The following TEX2 variants were observed in gnomAD, a reference collection of about 807,000 sequenced individuals.
The protein encoded by TEX2 is testis expressed 2.
Under a neutral mutation model 106.9 loss-of-function variants are expected in TEX2, and 53 were observed. The observed-to-expected ratio is 0.50, with a 90% confidence interval of 0.40 to 0.62. The LOEUF is 0.62. Among genes scored for constraint, TEX2 ranks in the 20% least tolerant of loss-of-function variants. The probability of loss-of-function intolerance (pLI) is 0.00; values close to 1 mark genes in which losing one functional copy is unlikely to be tolerated. For synonymous variants in TEX2, 523 were observed against 534.8 expected (o/e 0.98, Z 0.30); for missense variants, 1,207 against 1,379.0 (o/e 0.88, Z 1.98).
At chr17:64,162,663 TGTG>T (rs2030940639) in intron 7 of TEX2, among the ~76,000 whole-genome samples, 1 of 152,122 alleles carries the variant, frequency 6.6e-6, no homozygotes, top group Non-Finnish European at 1.5e-5. Context: ...CCAAATGATG[TGTG>T]GTCCAGCGTC....
chr17:64,210,634 CTTTTTTTTTTTTTT>C (rs58313195), intron 2 of TEX2, among the ~76,000 whole-genome samples: 1 of 74,786 alleles, frequency 1.3e-5, no homozygotes, highest in African/African-American at 5.8e-5. Context: ...CAACCCCCAG[CTTTTTTTTTTTTTT>C]TTTTTTTTTT....
In TEX2 at chr17:64,213,237, TTC is replaced by T. The variant is rs1555631934; in HGVS notation, c.979_980del (p.Glu327ThrfsTer15). The stretch of plus-strand genomic sequence containing the variant: ...CATTCAAGCTGGACAGATTGGAGAG[TTC>T]TGAAGCACTTGAAGATAAGGCTTTG... ...RPKALSSSAS[E>X]LSNLSSLNGH... On this transcript the variant is annotated frameshift_variant, in exon 2 of 12. Coordinates refer to ENST00000584379, the MANE Select transcript of TEX2 (RefSeq NM_001288732.2). LOFTEE classifies it high-confidence loss of function. This position sits in a 1 kb window ranked among gnomAD's most constrained non-coding sequence, Gnocchi z 4.4. The T allele has an allele frequency of 6.2e-7, 1 of 1,614,120 alleles. No individual in the cohort carries two copies. The highest frequency in any genetic ancestry group is 8.5e-7 in the Non-Finnish European group (1 of 1,180,026).
At position 64,213,881 on chromosome 17, in the gene TEX2, T is replaced by A. The variant is rs781872151; in HGVS notation, c.337A>T (p.Thr113Ser). Residue 113 changes from threonine to serine, a missense_variant, in exon 2 of 12, where the codon ACT (threonine) becomes TCT (serine). By Grantham distance (58) the Thr-to-Ser change is moderately conservative. Transcript: ENST00000584379. The surrounding 1 kb of genome is among the most constrained non-coding windows in gnomAD (Gnocchi z 4.4). ...ACAGGGGACTCCAACAGCTTTACAG[T>A]GTTCTTGGAGACGGGCAAAATGGCA... ...APAILPVSKN[T>S]VKLLESPVPA... 7 of 1,614,130 alleles carry A rather than the reference T, an allele frequency of 4.3e-6. No individual in the cohort carries two copies. The highest frequency in any genetic ancestry group is 5.9e-6 in the Non-Finnish European group (7 of 1,180,014).
chr17:64,249,109 T>C (rs1174277602), intron 1 of TEX2, among the ~76,000 whole-genome samples: 1 of 151,940 alleles, frequency 6.6e-6, no homozygotes, highest in African/African-American at 2.4e-5. Flanking sequence ...TGTTTACTGC[T>C]GTAAGAACAG....
At position 64,213,438 on chromosome 17, in the gene TEX2, G is replaced by A. The variant is rs782506961; in HGVS notation, c.780C>T (p.Ser260=). 6.2e-7 allele frequency: 1 copy of A among 1,613,982 alleles called. No homozygotes were observed. The highest frequency in any genetic ancestry group is 8.5e-7 in the Non-Finnish European group (1 of 1,180,052). ...FTQPRNTGGD[S]KTAPSSPLTS... is the part of the protein sequence containing the mutation. Reference sequence around the variant, plus strand: ...TCAGTGGGGAAGAAGGTGCAGTTTTGGAATCTCCACCTGTGTTTCGGGGCT... The same window carrying A: ...TCAGTGGGGAAGAAGGTGCAGTTTTAGAATCTCCACCTGTGTTTCGGGGCT... Residue 260 remains serine (S), a synonymous_variant, in exon 2 of 12, where the codon TCC becomes TCT. Transcript: ENST00000584379. This position sits in a 1 kb window ranked among gnomAD's most constrained non-coding sequence, Gnocchi z 4.4.
intron 2 of TEX2, among the ~76,000 whole-genome samples, chr17:64,211,281 A>G (rs1555631520): frequency 1.3e-5 from 2 of 152,136 alleles, no homozygotes; most frequent in African/African-American, 4.8e-5. Context: ...ATTAAGTAGC[A>G]AGACACCTTG....
chr17:64,229,225 T>C (rs563088538), intron 1 of TEX2, among the ~76,000 whole-genome samples: 5 of 152,322 alleles, frequency 3.3e-5, no homozygotes, highest in South Asian at 2.1e-4. Context: ...CTAATTAACA[T>C]TGTATAAAAT....
At chr17:64,181,476 A>T (rs879333570) in intron 5 of TEX2, among the ~76,000 whole-genome samples, 82,264 of 116,798 alleles carry the variant, frequency 0.7, 29,097 homozygotes, top group East Asian at 0.82. Flanking sequence ...CTATCTCAAA[A>T]AAAAAAAAAA....
At chr17:64,172,357 A>AC in intron 6 of TEX2, among the ~76,000 whole-genome samples, 1 of 151,404 alleles carries the variant, frequency 6.6e-6, no homozygotes. Flanking sequence ...CGTCTCAAAA[A>AC]AAAAAAAAAG....
intron 5 of TEX2, among the ~76,000 whole-genome samples, chr17:64,186,552 C>T (rs1323131750): frequency 6.6e-6 from 1 of 152,146 alleles, no homozygotes; most frequent in Non-Finnish European, 1.5e-5. Context: ...GGCGGTGGCT[C>T]ACGCCTGTAA....
chr17:64,215,528 T>TG lies in TEX2; in HGVS notation c.-25-1287dup, dbSNP rs200067264. On this transcript the variant is annotated intron_variant, in intron 1 of 11. Coordinates refer to ENST00000584379, the MANE Select transcript of TEX2 (RefSeq NM_001288732.2). ...GGCCATTGAGACAAAAGGGGCATCG[T>TG]GGGGCAGTGGAAAGAGCACCCAGCT... 5.3e-3 allele frequency among the ~76,000 whole-genome samples: 803 copies of TG among 152,182 alleles called. 11 individuals are homozygous for TG. Among genetic ancestry groups the TG allele is most frequent in the African/African-American group, 0.018 (742 of 41,522 alleles).
Position 64,259,997 on chromosome 17 carries a change from G to A in TEX2, c.-26+3171C>T, listed in dbSNP as rs1277516285. ...TATTTTCCCACTTTACAAAGAAACT[G>A]AGGTACACAGAAAGAGAAGTAATTT... On this transcript the variant is annotated intron_variant, in intron 1 of 11. Coordinates refer to ENST00000584379, the MANE Select transcript of TEX2 (RefSeq NM_001288732.2). Among the ~76,000 whole-genome samples the A allele has an allele frequency of 2.0e-5, 3 of 152,188 alleles. No individual in the cohort carries two copies. The East Asian group carries it at 5.8e-4, about 29-fold the overall frequency.
chr17:64,250,500 G>T (rs2034069031), intron 1 of TEX2, among the ~76,000 whole-genome samples: 1 of 152,158 alleles, frequency 6.6e-6, no homozygotes, highest in South Asian at 2.1e-4. Flanking sequence ...AAAATTATCA[G>T]CAAGGTAGGG....
At chr17:64,178,010 A>G (rs2031685359) in intron 5 of TEX2, among the ~76,000 whole-genome samples, 1 of 152,202 alleles carries the variant, frequency 6.6e-6, no homozygotes, top group South Asian at 2.1e-4. Context: ...AGTGGGCATC[A>G]GGAGTTTCAG....
chr17:64,182,572 C>T (rs1380158909), intron 5 of TEX2, among the ~76,000 whole-genome samples: 3 of 152,106 alleles, frequency 2.0e-5, no homozygotes, highest in Non-Finnish European at 2.9e-5. Flanking sequence ...AGAACATTTT[C>T]GTCACTCCCC....
At chr17:64,209,019 T>C (rs1385426917) in intron 2 of TEX2, among the ~76,000 whole-genome samples, 28 of 152,184 alleles carry the variant, frequency 1.8e-4, no homozygotes, top group Non-Finnish European at 1.5e-5. Flanking sequence ...CACTCCTTCA[T>C]TCATCTACCC....
At chr17:64,170,446 A>G (rs1005228009) in intron 7 of TEX2, among the ~76,000 whole-genome samples, 8 of 152,098 alleles carry the variant, frequency 5.3e-5, no homozygotes, top group Non-Finnish European at 8.8e-5. Flanking sequence ...CGTGAGGGCC[A>G]TGAGAGGTGA....
chr17:64,195,053 G>T lies in TEX2; in HGVS notation c.1687C>A (p.His563Asn), dbSNP rs1289062921. Residue 563 changes from histidine (H) to asparagine (N), a missense_variant, in exon 3 of 12, where the codon CAT (histidine) becomes AAT (asparagine). This residue lies in a region of TEX2 where 1,067 missense variants were observed against 1,193.6 expected (regional missense o/e 0.89). Transcript: ENST00000584379. The surrounding 1 kb of genome is among the most constrained non-coding windows in gnomAD (Gnocchi z 4.1). ...EIYNYDPETY[H>N]ATLTHSVFVR... ...AAGACTGAATGTGTCAAAGTCGCAT[G>T]GTAGGTTTCTGGATCATAGTTGTAA... is the stretch of plus-strand genomic sequence containing the variant. 6.2e-7 allele frequency: 1 copy of T among 1,614,168 alleles called. No individual in the cohort carries two copies. Among genetic ancestry groups the T allele is most frequent in the Non-Finnish European group, 8.5e-7 (1 of 1,180,004 alleles).
chr17:64,202,028 G>A (rs1555630152), intron 2 of TEX2, among the ~76,000 whole-genome samples: 2 of 152,182 alleles, frequency 1.3e-5, no homozygotes, highest in South Asian at 2.1e-4. Flanking sequence ...GCCCTAATAA[G>A]TGCAAGGAGC....
Sources: allele counts gnomAD v4.1 joint callset (sites outside exome capture counted in the v4.1 genomes callset), GRCh38; gene constraint gnomAD v4.1.1; regional missense constraint gnomAD v4.1.1; non-coding constraint Gnocchi (gnomAD v3.1); transcripts MANE v1.5; gene names NCBI Gene and HGNC (gene_info 2026-07-23, HGNC 2026-07-21).